Variants in PACRG observed in about 807,000 individuals in gnomAD.
The protein encoded by PACRG is parkin coregulated, also known as parkin coregulated gene protein.
Under a neutral mutation model 29.7 loss-of-function variants are expected in PACRG, and 29 were observed. The observed-to-expected ratio is 0.98, with a 90% CI of 0.73 to 1.33. The LOEUF (loss-of-function observed/expected upper bound fraction) is 1.33, where lower values mean the gene tolerates loss of function less well. Among genes scored for constraint, PACRG ranks in the 40% most tolerant of loss-of-function variants. PACRG has a pLI of 0.00. For missense variants in PACRG, 279 were observed against 316.2 expected (o/e 0.88, Z 0.89); for synonymous variants, 116 against 118.7 (o/e 0.98, Z 0.15).
chr6:162,983,941 A>G (rs1251856104), intron 2 of PACRG, among the ~76,000 whole-genome samples: 2 of 152,012 alleles, frequency 1.3e-5, no homozygotes, highest in Non-Finnish European at 2.9e-5. Flanking sequence ...CAGGAATACC[A>G]ATTATTCTTA....
chr6:162,856,418 T>G (rs1176211126), intron 2 of PACRG, among the ~76,000 whole-genome samples: 1 of 152,180 alleles, frequency 6.6e-6, no homozygotes, highest in South Asian at 2.1e-4. Context: ...TCGGGTACTT[T>G]AATAGTGATA....
chr6:162,917,843 A>G (rs1796801063), intron 2 of PACRG, among the ~76,000 whole-genome samples: 1 of 152,184 alleles, frequency 6.6e-6, no homozygotes, highest in South Asian at 2.1e-4. Flanking sequence ...TTTCTGAAAA[A>G]TAAGGAAAAA....
At chr6:162,947,470 A>AATCATATATATATAATCATATATATACTC (rs61434250) in intron 2 of PACRG, among the ~76,000 whole-genome samples, 18 of 96,182 alleles carry the variant, frequency 1.9e-4, no homozygotes, top group Middle Eastern at 7.7e-3. Flanking sequence ...AATCATATAT[A>AATCATATATATATAATCATATATATACTC]ATATATATAT....
chr6:163,273,487 C>T (rs1272054509), intron 4 of PACRG, among the ~76,000 whole-genome samples: 1 of 152,036 alleles, frequency 6.6e-6, no homozygotes, highest in Non-Finnish European at 1.5e-5. Flanking sequence ...TTTTTGATAA[C>T]CTTCTGTATT....
At chr6:163,129,178 TG>T (rs34981811) in intron 4 of PACRG, among the ~76,000 whole-genome samples, 3 of 152,078 alleles carry the variant, frequency 2.0e-5, no homozygotes, top group Non-Finnish European at 2.9e-5. Flanking sequence ...TAAATGAGAA[TG>T]GGGGGGAAGT....
intron 2 of PACRG, among the ~76,000 whole-genome samples, chr6:162,958,589 G>A (rs1800248642): frequency 6.6e-6 from 1 of 151,648 alleles, no homozygotes; most frequent in Admixed American, 6.6e-5. Flanking sequence ...TTATTCACTT[G>A]ACAAATATTT....
intron 4 of PACRG, among the ~76,000 whole-genome samples, chr6:163,241,254 A>G (rs986007346): frequency 1.3e-5 from 2 of 152,190 alleles, no homozygotes; most frequent in Non-Finnish European, 2.9e-5. Flanking sequence ...ATTGGGGAAA[A>G]AATCAGTAAA....
intron 4 of PACRG, among the ~76,000 whole-genome samples, chr6:163,206,525 A>G (rs1331548360): frequency 6.6e-6 from 1 of 152,164 alleles, no homozygotes; most frequent in East Asian, 1.9e-4. Flanking sequence ...AAAGAGGAGA[A>G]CAACAGGCTT....
intron 2 of PACRG, among the ~76,000 whole-genome samples, chr6:163,050,414 C>T (rs913617317): frequency 5.3e-5 from 8 of 152,070 alleles, no homozygotes; most frequent in Admixed American, 1.3e-4. Context: ...ATCTTAGCCC[C>T]GCTTTATAAA....
intron 2 of PACRG, among the ~76,000 whole-genome samples, chr6:162,995,077 T>C (rs1457486371): frequency 6.6e-6 from 1 of 151,390 alleles, no homozygotes; most frequent in Admixed American, 6.6e-5. Context: ...AGGGACCCAC[T>C]TGAGGAGGCA....
At chr6:163,250,915 G>A (rs1329962691) in intron 4 of PACRG, among the ~76,000 whole-genome samples, 2 of 138,062 alleles carry the variant, frequency 1.4e-5, no homozygotes, top group Non-Finnish European at 3.0e-5. Flanking sequence ...ATACACTATG[G>A]AATATTACTC....
At chr6:162,903,883 C>T (rs1385995324) in intron 2 of PACRG, among the ~76,000 whole-genome samples, 1 of 152,128 alleles carries the variant, frequency 6.6e-6, no homozygotes, top group Non-Finnish European at 1.5e-5. Context: ...TGGGACATTC[C>T]AGAGAAACAG....
intron 2 of PACRG, among the ~76,000 whole-genome samples, chr6:162,989,404 C>A (rs1345248595): frequency 6.6e-6 from 1 of 152,116 alleles, no homozygotes; most frequent in Non-Finnish European, 1.5e-5. Context: ...AAGGTTTGTT[C>A]CAGGACCCCT....
chr6:162,944,483 A>G (rs2128122954), intron 2 of PACRG, among the ~76,000 whole-genome samples: 1 of 152,310 alleles, frequency 6.6e-6, no homozygotes, highest in Non-Finnish European at 1.5e-5. Flanking sequence ...AGAAAACAAA[A>G]TTTATGAAAT....
At chr6:163,310,012 T>C (rs1458921623) in intron 4 of PACRG, 1 of 152,240 alleles carries the variant, frequency 6.6e-6, no homozygotes, top group Non-Finnish European at 1.5e-5. Flanking sequence ...GAAACATTTA[T>C]TTGTTTAATT....
intron 4 of PACRG, among the ~76,000 whole-genome samples, chr6:163,093,377 T>C (rs1254963770): frequency 6.6e-6 from 1 of 152,250 alleles, no homozygotes; most frequent in Admixed American, 6.5e-5. Context: ...GCATTTGTCA[T>C]ACAGCCAATA....
At chr6:163,152,756 A>G (rs557853170) in intron 4 of PACRG, among the ~76,000 whole-genome samples, 1 of 152,326 alleles carries the variant, frequency 6.6e-6, no homozygotes, top group Non-Finnish European at 1.5e-5. Context: ...GCCATTATTA[A>G]CTGACATTGG....
chr6:163,241,652 A>G (rs1782512433), intron 4 of PACRG, among the ~76,000 whole-genome samples: 1 of 152,158 alleles, frequency 6.6e-6, no homozygotes, highest in Admixed American at 6.6e-5. Context: ...GCCACTCTAC[A>G]GTTTGGTCTG....
intron 2 of PACRG, among the ~76,000 whole-genome samples, chr6:162,916,218 C>G (rs1321934226): frequency 6.6e-6 from 1 of 152,076 alleles, no homozygotes; most frequent in Non-Finnish European, 1.5e-5. Flanking sequence ...ATTCTACTGT[C>G]TTATGACCTT....
Sources: gnomAD v4.1 joint callset for allele counts (sites outside exome capture counted in the v4.1 genomes callset) on GRCh38, gnomAD v4.1.1 for gene constraint, MANE v1.5 for transcripts, NCBI Gene and HGNC (gene_info 2026-07-23, HGNC 2026-07-21) for gene names.